Variants in ZNF438 observed in about 807,000 individuals in gnomAD.
The protein encoded by ZNF438 is zinc finger protein 438.
ZNF438 carries 25 observed loss-of-function variants against 38.0 expected under a neutral mutation model. That is an observed-to-expected ratio of 0.66 (90% CI 0.48 to 0.92). ZNF438 has a LOEUF of 0.92. Among genes scored for constraint, ZNF438 ranks in the 40% least tolerant of loss-of-function variants. ZNF438 has a pLI of 0.00. For missense variants in ZNF438, 1,007 were observed against 999.6 expected, an observed-to-expected ratio of 1.01 and a Z score of -0.10; for synonymous variants, 372 against 364.1, an observed-to-expected ratio of 1.02 and a Z score of -0.25.
intron 1 of ZNF438, among the ~76,000 whole-genome samples, chr10:30,991,299 A>G (rs1458971520): frequency 6.6e-6 from 1 of 152,196 alleles, no homozygotes; most frequent in African/African-American, 2.4e-5. Flanking sequence ...TAGAGTTTCT[A>G]TTCTGTAGAG....
intron 4 of ZNF438, among the ~76,000 whole-genome samples, chr10:30,859,001 T>C (rs1344316700): frequency 1.3e-5 from 2 of 152,204 alleles, no homozygotes; most frequent in Non-Finnish European, 2.9e-5. Flanking sequence ...TAAGCAGATT[T>C]TATGGGTTAG....
intron 3 of ZNF438, among the ~76,000 whole-genome samples, chr10:30,898,161 T>A (rs2041579179): frequency 6.6e-6 from 1 of 152,170 alleles, no homozygotes; most frequent in Non-Finnish European, 1.5e-5. Flanking sequence ...GGTGGTAGCC[T>A]CTGGAAAAGG....
chr10:30,860,470 T>C (rs1366449236), intron 4 of ZNF438, among the ~76,000 whole-genome samples: 1 of 152,248 alleles, frequency 6.6e-6, no homozygotes. Flanking sequence ...ATCTGTCAGC[T>C]CATTATCAGT....
At chr10:30,953,631 TATA>T (rs1199237326) in intron 1 of ZNF438, among the ~76,000 whole-genome samples, 2 of 135,178 alleles carry the variant, frequency 1.5e-5, no homozygotes, top group Non-Finnish European at 3.2e-5. Context: ...AAACTTAAAA[TATA>T]ATAATAAAAA....
rs553856608 is a variant in ZNF438 at position 30,931,204 on chromosome 10, T to C, written c.-115+10371A>G. ...TTGCTAAATTGGATGGACAACCATC[T>C]TGAGCTGCTAGTGGTCATCTTACTG... On this transcript the variant is annotated intron_variant, in intron 2 of 5. Coordinates refer to ENST00000413025, the Ensembl canonical transcript of ZNF438. Among the ~76,000 whole-genome samples, 5 of 152,364 alleles carry C rather than the reference T, an allele frequency of 3.3e-5. No individual in the cohort carries two copies. In the East Asian group the frequency reaches 5.8e-4, roughly 18 times the overall value.
intron 3 of ZNF438, among the ~76,000 whole-genome samples, chr10:30,894,776 C>G (rs916869529): frequency 6.6e-6 from 1 of 152,162 alleles, no homozygotes; most frequent in Non-Finnish European, 1.5e-5. Context: ...GAAAACCATT[C>G]AAGCACTGGT....
At chr10:30,975,487 T>A (rs1482019601) in intron 1 of ZNF438, among the ~76,000 whole-genome samples, 7 of 152,184 alleles carry the variant, frequency 4.6e-5, no homozygotes, top group Non-Finnish European at 8.8e-5. Flanking sequence ...GCTTACAAGC[T>A]ACTAAATAAC....
At chr10:30,948,687 G>C (rs1247515989) in intron 1 of ZNF438, among the ~76,000 whole-genome samples, 1 of 151,252 alleles carries the variant, frequency 6.6e-6, no homozygotes, top group Non-Finnish European at 1.5e-5. Context: ...AAGCGAGAAG[G>C]GAAGTTTAGA....
chr10:30,940,396 A>G (rs1049362653), intron 2 of ZNF438, among the ~76,000 whole-genome samples: 4 of 152,252 alleles, frequency 2.6e-5, no homozygotes, highest in African/African-American at 7.2e-5. Context: ...TAGTGCTTCT[A>G]GCTGGAGTAA....
intron 1 of ZNF438, among the ~76,000 whole-genome samples, chr10:31,000,799 G>A (rs1019370195): frequency 1.3e-5 from 2 of 151,732 alleles, no homozygotes; most frequent in African/African-American, 4.8e-5. Flanking sequence ...CTTTTCTTGT[G>A]TTTCCTTGTT....
intron 1 of ZNF438, among the ~76,000 whole-genome samples, chr10:30,962,759 G>A (rs1294405230): frequency 8.4e-6 from 1 of 119,008 alleles, no homozygotes; most frequent in Non-Finnish European, 2.2e-5. Flanking sequence ...AACAACTGTG[G>A]ATATTCAGAG....
Position 30,963,450 on chromosome 10 carries a change from T to G in ZNF438, c.-191-21799A>C, listed in dbSNP as rs555773930. ...AGGTTAATAGAAACTCCTATCAAATTATGATATTTATCTATAGTGACAAAT... is the reference window on the plus strand; with the variant it reads ...AGGTTAATAGAAACTCCTATCAAATGATGATATTTATCTATAGTGACAAAT... On this transcript the variant is annotated intron_variant, in intron 1 of 5. Transcript: ENST00000413025. 2.2e-3 allele frequency among the ~76,000 whole-genome samples: 332 copies of G among 151,246 alleles called. 2 individuals are homozygous for G. The highest frequency in any genetic ancestry group is 7.0e-3 in the Middle Eastern group (2 of 284).
At chr10:30,896,130 C>T (rs1306664047) in intron 3 of ZNF438, among the ~76,000 whole-genome samples, 1 of 151,850 alleles carries the variant, frequency 6.6e-6, no homozygotes, top group Non-Finnish European at 1.5e-5. Context: ...CCCATCTCTA[C>T]TAAAAATACA....
At chr10:30,874,147 T>TATATATATATATACATACATAC (rs2038028937) in intron 4 of ZNF438, among the ~76,000 whole-genome samples, 1 of 76,844 alleles carries the variant, frequency 1.3e-5, no homozygotes, top group African/African-American at 7.7e-5. Flanking sequence ...TATATATATA[T>TATATATATATATACATACATAC]ATATATATAT....
At chr10:30,963,588 A>G (rs575210061) in intron 1 of ZNF438, among the ~76,000 whole-genome samples, 2 of 152,168 alleles carry the variant, frequency 1.3e-5, no homozygotes, top group African/African-American at 2.4e-5. Context: ...ATATATGCCA[A>G]TGAGGCCAGG....
intron 3 of ZNF438, among the ~76,000 whole-genome samples, chr10:30,878,391 G>A (rs912447509): frequency 6.6e-6 from 1 of 152,000 alleles, no homozygotes; most frequent in South Asian, 2.1e-4. Context: ...AACTTCAGAG[G>A]GACGCTCTGA....
At chr10:30,866,387 A>G (rs2036430870) in intron 4 of ZNF438, among the ~76,000 whole-genome samples, 1 of 152,228 alleles carries the variant, frequency 6.6e-6, no homozygotes, top group Non-Finnish European at 1.5e-5. Context: ...TCAAAAGTGA[A>G]TGAATGGAAC....
upstream of ZNF438, among the ~76,000 whole-genome samples, chr10:31,032,304 C>T (rs913240649): frequency 1.3e-5 from 2 of 152,194 alleles, no homozygotes; most frequent in South Asian, 4.1e-4. Flanking sequence ...TGGAAACAGC[C>T]ATTTGCTCTC....
chr10:31,014,665 A>G (rs906139867), intron 1 of ZNF438, among the ~76,000 whole-genome samples: 5 of 152,164 alleles, frequency 3.3e-5, no homozygotes, highest in Non-Finnish European at 7.4e-5. Context: ...ATGACGGTGA[A>G]GGTACCCAAC....
Sources: allele counts gnomAD v4.1 joint callset (sites outside exome capture counted in the v4.1 genomes callset), GRCh38; gene constraint gnomAD v4.1.1; transcripts MANE v1.5; gene names NCBI Gene and HGNC (gene_info 2026-07-23, HGNC 2026-07-21).